SLC26A9: variants seen among roughly 807,000 people sequenced by gnomAD.
The protein encoded by SLC26A9 is solute carrier family 26 member 9, also known as anion transporter/exchanger protein 9.
Under a neutral mutation model 87.1 loss-of-function variants are expected in SLC26A9, and 46 were observed. The observed-to-expected ratio is 0.53, with a 90% CI of 0.42 to 0.67. The LOEUF (loss-of-function observed/expected upper bound fraction) is 0.67, where lower values mean the gene tolerates loss of function less well. SLC26A9 is among the 30% of genes least tolerant of loss of function. SLC26A9 has a pLI of 0.00. For synonymous variants in SLC26A9, 437 were observed against 409.1 expected (o/e 1.07, Z -0.82); for missense variants, 927 against 1,018.3 (o/e 0.91, Z 1.22).
Position 205,921,851 on chromosome 1 carries a change from G to T in SLC26A9, c.1774-4C>A. On this transcript the variant is annotated splice_region_variant and splice_polypyrimidine_tract_variant and intron_variant, in intron 16 of 20. Coordinates refer to ENST00000367135, the MANE Select transcript of SLC26A9 (RefSeq NM_052934.4). ...GCAGCTCCTGCAGGGAGACAGTCTG[G>T]AAGGGTGGGGACAGTGGGCAGAGTC... 6.2e-7 allele frequency: 1 copy of T among 1,602,594 alleles called. No homozygotes were observed.
intron 1 of SLC26A9, among the ~76,000 whole-genome samples, chr1:205,940,010 C>G (rs1558131438): frequency 6.6e-6 from 1 of 152,072 alleles, no homozygotes; most frequent in African/African-American, 2.4e-5. Flanking sequence ...AAAGGGTGAC[C>G]CTGCCCCTCC....
At chr1:205,936,436 G>A (rs1240884431) in intron 1 of SLC26A9, among the ~76,000 whole-genome samples, 2 of 152,094 alleles carry the variant, frequency 1.3e-5, no homozygotes, top group South Asian at 2.1e-4. Context: ...TCCACCTGCC[G>A]GCTCTCTCTC....
At chr1:205,918,756 T>C (rs1258900636) in intron 19 of SLC26A9, 84 bp downstream of exon 19, 1 of 1,492,670 alleles carries the variant, frequency 6.7e-7, no homozygotes, top group Non-Finnish European at 9.0e-7. Flanking sequence ...TTAAACCTTC[T>C]CCTGTGTTCT....
chr1:205,921,601 A>G lies in SLC26A9; in HGVS notation c.2020T>C (p.Phe674Leu), dbSNP rs1223366658. 1.2e-6 allele frequency: 2 copies of G among 1,611,498 alleles called. No individual in the cohort carries two copies. Among genetic ancestry groups the G allele is most frequent in the East Asian group, 4.5e-5 (2 of 44,804 alleles). Residue 674 changes from phenylalanine to leucine, a missense_variant, in exon 17 of 21, where the codon TTC becomes CTC. Transcript: ENST00000367135. ...GCCTTGATGCCCATCAAGTCCACGAAGCTGACTCCACTCATGTCCAGGATG... is the reference window on the plus strand; with the variant it reads ...GCCTTGATGCCCATCAAGTCCACGAGGCTGACTCCACTCATGTCCAGGATG... ...TLILDMSGVS[F>L]VDLMGIKALA...
chr1:205,941,692 G>T (rs1382614969), intron 1 of SLC26A9, among the ~76,000 whole-genome samples: 7 of 152,184 alleles, frequency 4.6e-5, no homozygotes, highest in Non-Finnish European at 1.0e-4. Flanking sequence ...TCCCTCCTCT[G>T]CACTTTCCCT....
rs764909473 is a variant in SLC26A9 at position 205,915,125 on chromosome 1, G to T, written c.*232C>A. 1 of 1,613,784 alleles carries T rather than the reference G, an allele frequency of 6.2e-7. No homozygotes were observed. Among genetic ancestry groups the T allele is most frequent in the Non-Finnish European group, 8.5e-7 (1 of 1,179,798 alleles). ...GCCAGGGCCTGACGGGTGAAGAGTG[G>T]GCTCACCAGACTCTCACTCCTGTAA... is the stretch of plus-strand genomic sequence containing the variant. On this transcript the variant is annotated 3_prime_UTR_variant, in exon 21 of 21. Transcript: ENST00000367135.
rs1658762771 is a variant in SLC26A9 at position 205,920,095 on chromosome 1, C to T, written c.2110+81G>A. ...TGGGTGCTCTCGTTTCCAACCTCCT[C>T]ACTATTCAGACCCCACCAACCTGTT... On this transcript the variant is annotated intron_variant, in intron 18 of 20. Transcript: ENST00000367135. 7 of 1,540,242 alleles carry T rather than the reference C, an allele frequency of 4.5e-6. No individual in the cohort carries two copies. In the South Asian group the frequency reaches 5.6e-5, roughly 12 times the overall value.
chr1:205,935,841 T>G lies in SLC26A9; in HGVS notation c.-18-3A>C. The G allele has an allele frequency of 6.2e-7, 1 of 1,609,642 alleles. No individual in the cohort carries two copies. The highest frequency in any genetic ancestry group is 8.5e-7 in the Non-Finnish European group (1 of 1,177,098). On this transcript the variant is annotated splice_region_variant and splice_polypyrimidine_tract_variant and intron_variant, in intron 1 of 20. Transcript: ENST00000367135. ...CTCATATCTGGGGCATTTACAAGCTTTGGGAGAAGCAGAGGAGGGGAGGGT... is the reference window on the plus strand; with the variant it reads ...CTCATATCTGGGGCATTTACAAGCTGTGGGAGAAGCAGAGGAGGGGAGGGT...
intron 1 of SLC26A9, among the ~76,000 whole-genome samples, chr1:205,940,171 G>A (rs796900005): frequency 3.9e-4 from 60 of 152,286 alleles, no homozygotes; most frequent in Middle Eastern, 3.4e-3. Context: ...GCAGGAGAGT[G>A]GGTCAAATCT....
rs569600273 is a variant in SLC26A9, at chr1:205,921,161, T to C, written c.2055+405A>G. On this transcript the variant is annotated intron_variant, in intron 17 of 20. Transcript: ENST00000367135. ...TGTTTGGCCTGATGGTGTGGGGCAC[T>C]GGTATTATTCCTTCTCCTGTCCTAG... Among the ~76,000 whole-genome samples the C allele has an allele frequency of 5.3e-5, 8 of 152,342 alleles. No individual in the cohort carries two copies. The East Asian group carries it at 1.5e-3, about 29-fold the overall frequency.
At chr1:205,937,155 C>T (rs1035427125) in intron 1 of SLC26A9, among the ~76,000 whole-genome samples, 21 of 152,156 alleles carry the variant, frequency 1.4e-4, no homozygotes, top group African/African-American at 5.1e-4. Context: ...TGGGCTGGTG[C>T]ATTCCATTCA....
At chr1:205,927,745 AGAG>A (rs1659136337) in intron 9 of SLC26A9, 140 bp from the exon 10 acceptor site, 7 of 1,404,666 alleles carry the variant, frequency 5.0e-6, no homozygotes, top group Middle Eastern at 2.5e-4. Context: ...TTCCCAGTCA[AGAG>A]GAGGTCAGCC....
At chr1:205,921,992 C>T in intron 16 of SLC26A9, 145 bp from the exon 17 acceptor site, 1 of 1,117,034 alleles carries the variant, frequency 9.0e-7, no homozygotes, top group Non-Finnish European at 1.2e-6. Flanking sequence ...AAAGCTCCAC[C>T]AGAGAGGCCT....
Position 205,926,593 on chromosome 1 carries a change from T to A in SLC26A9, c.1331A>T (p.Asn444Ile). 6.2e-7 allele frequency: 1 copy of A among 1,613,718 alleles called. No homozygotes were observed. The highest frequency in any genetic ancestry group is 8.5e-7 in the Non-Finnish European group (1 of 1,179,936). Reference sequence around the variant, plus strand: ...GGGGTCGGTGAGTTGCTTGAGGGAGTTCTTGAGATTGACAGCGATCAGGGC... The same window carrying A: ...GGGGTCGGTGAGTTGCTTGAGGGAGATCTTGAGATTGACAGCGATCAGGGC... ...LGALIAVNLKNSLKQLTDPYY... is the reference protein window; with the variant it reads ...LGALIAVNLKISLKQLTDPYY... The change falls in exon 12 of 21, where the codon AAC (asparagine) becomes ATC (isoleucine). Residue 444 changes from asparagine to isoleucine, a missense_variant. Transcript: ENST00000367135.
chr1:205,929,603 G>A (rs1659225682), intron 6 of SLC26A9, among the ~76,000 whole-genome samples: 1 of 152,230 alleles, frequency 6.6e-6, no homozygotes, highest in South Asian at 2.1e-4. Context: ...AAGGAGGAGG[G>A]ATGGAGATTA....
chr1:205,922,814 G>A lies in SLC26A9; in HGVS notation c.1773+268C>T, dbSNP rs9793153. Among the ~76,000 whole-genome samples, 85,311 of 152,102 alleles carry A rather than the reference G, an allele frequency of 0.56. 26,075 individuals carry two copies. Among genetic ancestry groups the A allele is most frequent in the Non-Finnish European group, 0.68 (45,959 of 67,994 alleles). On this transcript the variant is annotated intron_variant, in intron 16 of 20. Transcript: ENST00000367135. ...CTTGGGAGGCTAAGGCAGGAGAATC[G>A]CTTGAACCCCAGAGGTGGAGGTTGC...
chr1:205,914,871 G>A lies in SLC26A9; in HGVS notation c.*486C>T. On this transcript the variant is annotated 3_prime_UTR_variant, in exon 21 of 21. Transcript: ENST00000367135. Reference sequence around the variant, plus strand: ...TGAGGCAGCTGGGGAAGGCAAGCCAGAGTCCTAACCAAGTTTATCCCTATG... The same window carrying A: ...TGAGGCAGCTGGGGAAGGCAAGCCAAAGTCCTAACCAAGTTTATCCCTATG... 6.3e-7 allele frequency: 1 copy of A among 1,589,296 alleles called. No homozygotes were observed. The highest frequency in any genetic ancestry group is 8.6e-7 in the Non-Finnish European group (1 of 1,165,728).
intron 1 of SLC26A9, among the ~76,000 whole-genome samples, chr1:205,942,929 G>A (rs1659810882): frequency 6.6e-6 from 1 of 152,228 alleles, no homozygotes; most frequent in African/African-American, 2.4e-5. Context: ...AGGAGGGGGA[G>A]ACAGCCATGC....
intron 17 of SLC26A9, among the ~76,000 whole-genome samples, chr1:205,920,778 G>A (rs768321146): frequency 3.3e-5 from 5 of 152,246 alleles, no homozygotes; most frequent in Non-Finnish European, 5.9e-5. Flanking sequence ...GATTACAGGA[G>A]TGAGCCACCA....
Sources: gnomAD v4.1 joint callset for allele counts (sites outside exome capture counted in the v4.1 genomes callset) on GRCh38, gnomAD v4.1.1 for gene constraint, MANE v1.5 for transcripts, NCBI Gene and HGNC (gene_info 2026-07-23, HGNC 2026-07-21) for gene names.